CAPN3: variants seen among roughly 807,000 people sequenced by gnomAD.
CAPN3 encodes the protein calpain-3.
In CAPN3, 88 loss-of-function variants were observed where a neutral mutation model predicts 114.0. That is an observed-to-expected ratio of 0.77 (90% confidence interval 0.65 to 0.92). CAPN3 has a LOEUF of 0.92. Ranked by LOEUF, CAPN3 falls within the 40% of genes least tolerant of loss-of-function variation. The probability of loss-of-function intolerance (pLI) is 0.00; values close to 1 mark genes in which losing one functional copy is unlikely to be tolerated. For missense variants in CAPN3, 1,028 were observed against 1,069.0 expected, an observed-to-expected ratio of 0.96 and a Z score of 0.53; for synonymous variants, 386 against 382.9, an observed-to-expected ratio of 1.01 and a Z score of -0.09.
chr15:42,389,210 G>C (rs2053489266), intron 5 of CAPN3, 114 bp downstream of exon 5: 2 of 1,005,022 alleles, frequency 2.0e-6, no homozygotes, highest in Non-Finnish European at 3.0e-6. Flanking sequence ...TTTTGTTTGA[G>C]GAAGCAGGAA....
At chr15:42,408,463 T>C (rs2054094171) in intron 16 of CAPN3, 139 bp downstream of exon 16, 1 of 667,114 alleles carries the variant, frequency 1.5e-6, no homozygotes, top group African/African-American at 1.8e-5. Flanking sequence ...ACTGACCTTT[T>C]CTTTCAGCAA....
intron 1 of CAPN3, among the ~76,000 whole-genome samples, chr15:42,363,988 C>G (rs996064497): frequency 6.6e-6 from 1 of 152,166 alleles, no homozygotes; most frequent in African/African-American, 2.4e-5. Context: ...GGATTTTGGA[C>G]TCCCACCTGC....
intron 12 of CAPN3, 22 bp from the exon 13 acceptor site, chr15:42,402,772 C>A: frequency 6.2e-7 from 1 of 1,612,734 alleles, no homozygotes; most frequent in Non-Finnish European, 8.5e-7. Flanking sequence ...CTCATGTGCC[C>A]TGGGCTCTCC....
chr15:42,399,712 C>T (rs1595834885), intron 10 of CAPN3, 60 bp downstream of exon 10: 1 of 1,370,434 alleles, frequency 7.3e-7, no homozygotes, highest in Non-Finnish European at 1.0e-6. Context: ...GCAGAAGAAG[C>T]CTAACTAGTG....
intron 1 of CAPN3, among the ~76,000 whole-genome samples, chr15:42,361,802 C>T (rs974077746): frequency 6.6e-5 from 10 of 152,214 alleles, no homozygotes; most frequent in African/African-American, 2.2e-4. Context: ...ACCAGCAGTG[C>T]TTGGACATTT....
chr15:42,369,935 C>A (rs563946608), intron 1 of CAPN3, among the ~76,000 whole-genome samples: 2 of 149,864 alleles, frequency 1.3e-5, no homozygotes, highest in Non-Finnish European at 3.0e-5. Context: ...TGCAATAGCG[C>A]GATCTTGGCT....
chr15:42,401,879 T>C, intron 11 of CAPN3, 69 bp downstream of exon 11: 1 of 1,519,848 alleles, frequency 6.6e-7, no homozygotes, highest in Non-Finnish European at 9.0e-7. Flanking sequence ...CAGGGGCTTC[T>C]AGAGGGGCCC....
chr15:42,395,426 G>A (rs1463499139), intron 8 of CAPN3, among the ~76,000 whole-genome samples: 2 of 152,162 alleles, frequency 1.3e-5, no homozygotes, highest in Non-Finnish European at 2.9e-5. Flanking sequence ...TAAGGTCCGG[G>A]GAAGGACAGG....
At chr15:42,383,659 T>TTTATTA (rs1017690924) in intron 1 of CAPN3, among the ~76,000 whole-genome samples, 1 of 151,552 alleles carries the variant, frequency 6.6e-6, no homozygotes, top group South Asian at 2.1e-4. Context: ...TTTTTATTAA[T>TTTATTA]TTATTATTAT....
intron 1 of CAPN3, among the ~76,000 whole-genome samples, chr15:42,361,502 G>C (rs1595795780): frequency 6.6e-6 from 1 of 152,150 alleles, no homozygotes; most frequent in African/African-American, 2.4e-5. Context: ...ACAAACCTGA[G>C]GTGGAGTACT....
chr15:42,389,821 C>A, intron 5 of CAPN3, 132 bp from the exon 6 acceptor site: 2 of 969,796 alleles, frequency 2.1e-6, no homozygotes, highest in Non-Finnish European at 3.2e-6. Context: ...TTCCTCCATT[C>A]GTGCTCTGTT....
At chr15:42,374,013 G>T (rs142833389) in intron 1 of CAPN3, among the ~76,000 whole-genome samples, 8 of 152,072 alleles carry the variant, frequency 5.3e-5, no homozygotes, top group African/African-American at 1.2e-4. Context: ...GGTGATGAAG[G>T]TTCCCTAAAG....
chr15:42,391,178 T>C (rs2053545711), intron 6 of CAPN3, among the ~76,000 whole-genome samples: 1 of 152,212 alleles, frequency 6.6e-6, no homozygotes. Flanking sequence ...AGATATGTTA[T>C]AATTTATTTA....
intron 1 of CAPN3, among the ~76,000 whole-genome samples, chr15:42,378,333 A>G (rs777602094): frequency 6.6e-6 from 1 of 152,216 alleles, no homozygotes; most frequent in Non-Finnish European, 1.5e-5. Flanking sequence ...AAACTCCTCT[A>G]CATTCCTATG....
At position 42,396,841 on chromosome 15, in the gene CAPN3, G is replaced by A. The variant is rs376273996; in HGVS notation, c.1157G>A (p.Arg386His). Residue 386 changes from arginine to histidine, a missense_variant, in exon 9 of 24, where the codon CGT becomes CAT. Coordinates refer to ENST00000397163, the MANE Select transcript of CAPN3 (RefSeq NM_000070.3). ...WSFVDKDEKA[R>H]LQHQVTEDGE... is the part of the protein sequence containing the mutation. Reference sequence around the variant, plus strand: ...TTTGTGGACAAAGATGAGAAGGCCCGTCTGCAGCACCAGGTCACTGAGGAT... The same window carrying A: ...TTTGTGGACAAAGATGAGAAGGCCCATCTGCAGCACCAGGTCACTGAGGAT... 18 of 1,613,896 alleles carry A rather than the reference G, an allele frequency of 1.1e-5. No individual in the cohort carries two copies. Among genetic ancestry groups the A allele is most frequent in the South Asian group, 3.3e-5 (3 of 91,080 alleles).
chr15:42,384,712 G>A (rs1412759209), intron 2 of CAPN3, among the ~76,000 whole-genome samples, 160 bp downstream of exon 2: 2 of 152,136 alleles, frequency 1.3e-5, no homozygotes, highest in Non-Finnish European at 2.9e-5. Flanking sequence ...TCTACATGCT[G>A]GCGATTGCTT....
intron 22 of CAPN3, 31 bp downstream of exon 22, chr15:42,411,031 C>G (rs752555207): frequency 3.4e-6 from 5 of 1,491,260 alleles, no homozygotes; most frequent in East Asian, 2.3e-5. Context: ...GCCCTCTGCT[C>G]TCTTGCAGGG....
At chr15:42,388,360 A>G (rs2053458400) in intron 4 of CAPN3, among the ~76,000 whole-genome samples, 1 of 152,160 alleles carries the variant, frequency 6.6e-6, no homozygotes, top group Non-Finnish European at 1.5e-5. Flanking sequence ...GCTGGAGTGC[A>G]GTGGTGCAGT....
Position 42,408,483 on chromosome 15 carries a change from A to G in CAPN3, c.1914+159A>G, listed in dbSNP as rs1026250985. 4.7e-6 allele frequency: 3 copies of G among 637,132 alleles called. No homozygotes were observed. The African/African-American group carries it at 5.4e-5, about 12-fold the overall frequency. 39.5% of individuals were successfully genotyped at this position (637,132 alleles called of 1,614,324 possible). ...CCTTTTCTTTCAGCAAGTTCCCCTG[A>G]AATTTGGGCTGCTGCTTGGGTGAAT... is the stretch of plus-strand genomic sequence containing the variant. On this transcript the variant is annotated intron_variant, in intron 16 of 23. Transcript: ENST00000397163.
Sources: gnomAD v4.1 joint callset for allele counts (sites outside exome capture counted in the v4.1 genomes callset) on GRCh38, gnomAD v4.1.1 for gene constraint, MANE v1.5 for transcripts, NCBI Gene and HGNC (gene_info 2026-07-23, HGNC 2026-07-21) for gene names.